Variants in UTRN observed in about 807,000 individuals in gnomAD.
UTRN encodes dystrophin-related protein 1.
Under a neutral mutation model 463.9 loss-of-function variants are expected in UTRN, and 283 were observed. The observed-to-expected ratio is 0.61, with a 90% CI of 0.55 to 0.67. The LOEUF (loss-of-function observed/expected upper bound fraction) is 0.67. UTRN is among the 30% of genes least tolerant of loss of function. UTRN has a pLI of 0.00. For missense variants in UTRN, 3,922 were observed against 4,084.3 expected, an observed-to-expected ratio of 0.96 and a Z score of 1.08; for synonymous variants, 1,442 against 1,431.5, an observed-to-expected ratio of 1.01 and a Z score of -0.17.
chr6:144,359,938 A>T (rs1467889771), intron 2 of UTRN, among the ~76,000 whole-genome samples: 1 of 152,138 alleles, frequency 6.6e-6, no homozygotes, highest in Admixed American at 6.5e-5. Flanking sequence ...ATTTTGTGGA[A>T]AAGAATTCAA....
At chr6:144,505,673 T>C (rs1794634158) in intron 34 of UTRN, among the ~76,000 whole-genome samples, 1 of 152,180 alleles carries the variant, frequency 6.6e-6, no homozygotes, top group African/African-American at 2.4e-5. Flanking sequence ...TTACTTCCAA[T>C]TATGTGGTCA....
At chr6:144,470,404 GA>G (rs1225418658) in intron 23 of UTRN, among the ~76,000 whole-genome samples, 2 of 152,014 alleles carry the variant, frequency 1.3e-5, no homozygotes, top group African/African-American at 4.8e-5. Flanking sequence ...CTGCTGGGCG[GA>G]GGGGCTCCTC....
chr6:144,576,752 A>G (rs1478219724), intron 50 of UTRN, among the ~76,000 whole-genome samples: 1 of 152,226 alleles, frequency 6.6e-6, no homozygotes, highest in African/African-American at 2.4e-5. Flanking sequence ...GGTAGGATTC[A>G]GTGACTGAAT....
chr6:144,462,987 T>C, intron 23 of UTRN, 121 bp downstream of exon 23: 1 of 880,016 alleles, frequency 1.1e-6, no homozygotes. Flanking sequence ...ATTTATTATG[T>C]ATTTAAGTTG....
chr6:144,597,109 A>G (rs995920875), intron 51 of UTRN, among the ~76,000 whole-genome samples: 2 of 152,090 alleles, frequency 1.3e-5, no homozygotes, highest in South Asian at 2.1e-4. Context: ...GTGGTGGCAC[A>G]TGCCTGTAGT....
intron 50 of UTRN, among the ~76,000 whole-genome samples, chr6:144,561,007 A>G (rs773295569): frequency 2.0e-5 from 3 of 151,336 alleles, no homozygotes; most frequent in South Asian, 2.1e-4. Context: ...TAACTAATCT[A>G]TATATCCTGA....
At chr6:144,836,078 T>G in intron 70 of UTRN, 140 bp downstream of exon 70, 1 of 1,423,782 alleles carries the variant, frequency 7.0e-7, no homozygotes, top group Non-Finnish European at 9.4e-7. Context: ...ATTAACAAAC[T>G]GGGATGCTGG....
intron 51 of UTRN, among the ~76,000 whole-genome samples, chr6:144,622,978 A>G (rs1019220929): frequency 6.6e-6 from 1 of 152,230 alleles, no homozygotes; most frequent in African/African-American, 2.4e-5. Context: ...AGTGCTAGCA[A>G]CATGGCATTT....
chr6:144,725,978 G>A (rs1468571332), intron 53 of UTRN, among the ~76,000 whole-genome samples: 1 of 152,120 alleles, frequency 6.6e-6, no homozygotes, highest in Non-Finnish European at 1.5e-5. Flanking sequence ...GCATATCAAA[G>A]GAGTTCGCGA....
intron 2 of UTRN, among the ~76,000 whole-genome samples, chr6:144,343,287 G>T (rs1777284251): frequency 6.6e-6 from 1 of 151,928 alleles, no homozygotes; most frequent in Non-Finnish European, 1.5e-5. Flanking sequence ...TTGCATGTAT[G>T]TGGTGGACAC....
intron 57 of UTRN, among the ~76,000 whole-genome samples, chr6:144,757,534 T>C (rs1792142944): frequency 6.6e-6 from 1 of 152,104 alleles, no homozygotes; most frequent in African/African-American, 2.4e-5. Flanking sequence ...GAAAATTCGG[T>C]CTTGAAAAAT....
In UTRN at chr6:144,438,774, A is replaced by G; in HGVS notation, c.1271A>G (p.Lys424Arg). The change falls in exon 12 of 75, where the codon AAG becomes AGG. Residue 424 changes from lysine (K) to arginine (R), a missense_variant. Around this residue, in one of 3 missense-constraint regions of UTRN, gnomAD observed 2,349 missense variants for 2,303.8 expected, o/e 1.02. Transcript: ENST00000367545. ...CACGATGTGCTGATGGAACTGCAGA[A>G]GAAGCAACTGCAGCAGCTCTCCGCC... The part of the protein sequence containing the change: ...RLHDVLMELQ[K>R]KQLQQLSAWL... The G allele has an allele frequency of 1.9e-6, 3 of 1,614,258 alleles. No homozygotes were observed. Among genetic ancestry groups the G allele is most frequent in the Non-Finnish European group, 2.5e-6 (3 of 1,180,050 alleles).
chr6:144,690,091 T>TGTGTGTGTGTGTGTG (rs1447726041), intron 52 of UTRN, among the ~76,000 whole-genome samples: 2 of 34,406 alleles, frequency 5.8e-5, no homozygotes, highest in African/African-American at 3.0e-4. Flanking sequence ...TTTTTTTTTT[T>TGTGTGTGTGTGTGTG]TTTTTGTGTG....
chr6:144,430,330 C>CT (rs1188640570), intron 9 of UTRN, among the ~76,000 whole-genome samples: 16 of 151,966 alleles, frequency 1.1e-4, no homozygotes, highest in African/African-American at 3.9e-4. Flanking sequence ...TATTTTCTTC[C>CT]TTAGTTCTAC....
rs758689191 is a variant in UTRN at position 144,846,846 on chromosome 6, G to A, written c.10293+19G>A. ...GCCACAGGTAAGAGTTAATGGCTTG[G>A]TTGGCTCTATGTTACTGATCCCAAC... On this transcript the variant is annotated intron_variant, in intron 74 of 74. Coordinates refer to ENST00000367545, the MANE Select transcript of UTRN (RefSeq NM_007124.3). 6.2e-7 allele frequency: 1 copy of A among 1,613,952 alleles called. No homozygotes were observed. The highest frequency in any genetic ancestry group is 8.5e-7 in the Non-Finnish European group (1 of 1,179,902).
At chr6:144,404,462 C>G (rs375243318) in intron 3 of UTRN, among the ~76,000 whole-genome samples, 1 of 152,150 alleles carries the variant, frequency 6.6e-6, no homozygotes, top group Non-Finnish European at 1.5e-5. Context: ...GTTTTAGCAA[C>G]TGGGAGTCTG....
At chr6:144,547,949 A>G (rs1183023886) in intron 46 of UTRN, among the ~76,000 whole-genome samples, 1 of 152,202 alleles carries the variant, frequency 6.6e-6, no homozygotes, top group South Asian at 2.1e-4. Flanking sequence ...CTAATATATC[A>G]TACCTGAAGT....
chr6:144,402,634 C>T (rs1783025907), intron 2 of UTRN, among the ~76,000 whole-genome samples: 1 of 152,054 alleles, frequency 6.6e-6, no homozygotes, highest in South Asian at 2.1e-4. Flanking sequence ...CAAGATTGAC[C>T]ATAAACCTTA....
intron 2 of UTRN, among the ~76,000 whole-genome samples, chr6:144,334,530 A>C (rs1213888540): frequency 6.6e-6 from 1 of 151,868 alleles, no homozygotes; most frequent in Non-Finnish European, 1.5e-5. Flanking sequence ...GTTCTAGGGG[A>C]GGGGTGAAGT....
Sources: allele counts gnomAD v4.1 joint callset (sites outside exome capture counted in the v4.1 genomes callset), GRCh38; gene constraint gnomAD v4.1.1; regional missense constraint gnomAD v4.1.1; transcripts MANE v1.5; gene names NCBI Gene and HGNC (gene_info 2026-07-23, HGNC 2026-07-21).